Variants in MSH6 observed in about 807,000 individuals in gnomAD.
MSH6 encodes the protein mutS homolog 6, also known as DNA mismatch repair protein Msh6.
Under a neutral mutation model 119.1 loss-of-function variants are expected in MSH6, and 85 were observed. The observed-to-expected ratio is 0.71, with a 90% CI of 0.60 to 0.85. The LOEUF (loss-of-function observed/expected upper bound fraction) is 0.85. Ranked by LOEUF, MSH6 falls within the 40% of genes least tolerant of loss-of-function variation. The pLI, the probability that MSH6 is intolerant of heterozygous loss-of-function variation, is 0.00. For synonymous variants in MSH6, 830 were observed against 586.9 expected (o/e 1.41, Z -5.99); for missense variants, 2,163 against 1,655.3 (o/e 1.31, Z -5.32).
downstream of MSH6, chr2:47,809,678 T>C (rs1184195737): frequency 1.2e-6 from 2 of 1,613,424 alleles, no homozygotes; most frequent in Non-Finnish European, 8.5e-7. Flanking sequence ...CCTTCTAGTG[T>C]TGCAGTTGCG....
At chr2:47,806,699 C>CAAAGAAACAGTA in intron 9 of MSH6, 48 bp downstream of exon 9, 1 of 1,571,488 alleles carries the variant, frequency 6.4e-7, no homozygotes, top group Non-Finnish European at 8.7e-7. Flanking sequence ...CCTTAAGTTT[C>CAAAGAAACAGTA]AAAGAAACAG....
At chr2:47,801,369 T>TTTG (rs1669583596) in intron 4 of MSH6, 5 of 466,384 alleles carry the variant, frequency 1.1e-5, no homozygotes, top group South Asian at 2.5e-5. Context: ...CAGTTTTTTT[T>TTTG]TTTTTTTTTT....
rs749539614 is a variant in MSH6, at chr2:47,800,668, A to T, written c.2685A>T (p.Thr895=). ...KILKQVISLQ[T]KNPEGRFPDL... ...TTAAGCAGGTCATCTCTCTGCAGAC[A>T]AAAAATCCTGAAGGTCGTTTTCCTG... The change falls in exon 4 of 10, where the codon ACA becomes ACT. Residue 895 remains threonine, a synonymous_variant. Coordinates refer to ENST00000234420, the MANE Select transcript of MSH6 (RefSeq NM_000179.3). 6.2e-7 allele frequency: 1 copy of T among 1,614,190 alleles called. No individual in the cohort carries two copies.
At chr2:47,793,236 G>A (rs941017550) in intron 2 of MSH6, among the ~76,000 whole-genome samples, 20 of 144,014 alleles carry the variant, frequency 1.4e-4, no homozygotes, top group Admixed American at 2.2e-4. Context: ...CAAGAGAATC[G>A]CTTGAATCTA....
intron 3 of MSH6, among the ~76,000 whole-genome samples, chr2:47,796,428 G>C (rs1669100503): frequency 6.6e-6 from 1 of 152,192 alleles, no homozygotes; most frequent in Non-Finnish European, 1.5e-5. Flanking sequence ...AAAAAACTGA[G>C]ATGGGGTCTT....
chr2:47,795,422 A>ATGTGTGTGTGTGTGTGTG lies in MSH6; in HGVS notation c.458-462_458-445dup, dbSNP rs10699372. Among the ~76,000 whole-genome samples, 1,089 of 141,700 alleles carry ATGTGTGTGTGTGTGTGTG rather than the reference A, an allele frequency of 7.7e-3. 14 individuals carry two copies. Among genetic ancestry groups the ATGTGTGTGTGTGTGTGTG allele is most frequent in the Non-Finnish European group, 8.6e-3 (568 of 66,018 alleles). The allele number at this position is 141,700 out of a possible 152,430, so 93.0% of individuals were successfully genotyped here. ...AAGTGTCCAGCCAACAAGTTATTTT[A>ATGTGTGTGTGTGTGTGTG]TGTGTGTGTGTGTGTGTGTGTGTGT... On this transcript the variant is annotated intron_variant, in intron 2 of 9. Coordinates refer to ENST00000234420, the MANE Select transcript of MSH6 (RefSeq NM_000179.3).
intron 1 of MSH6, chr2:47,784,132 A>G: frequency 1.0e-6 from 1 of 1,001,404 alleles, no homozygotes; most frequent in Non-Finnish European, 1.2e-6. Context: ...GGGGTGGGCC[A>G]CGAGCTGCGA....
intron 4 of MSH6, 60 bp downstream of exon 4, chr2:47,801,215 A>G (rs887120197): frequency 3.9e-6 from 6 of 1,548,262 alleles, no homozygotes; most frequent in East Asian, 2.2e-5. Flanking sequence ...TGCCAGCTGT[A>G]TATTATCCCT....
downstream of MSH6, chr2:47,808,310 A>C (rs745517980): frequency 1.2e-6 from 2 of 1,612,280 alleles, no homozygotes; most frequent in South Asian, 1.1e-5. Context: ...GTAATATATC[A>C]AGCAAGTGTG....
rs876660037 is a variant in MSH6 at position 47,800,314 on chromosome 2, G to T, written c.2331G>T (p.Trp777Cys). The change falls in exon 4 of 10, where the codon TGG becomes TGT. Residue 777 changes from tryptophan to cysteine, a missense_variant. Physicochemically the swap from Trp to Cys is radical, Grantham distance 215. Coordinates refer to ENST00000234420, the MANE Select transcript of MSH6 (RefSeq NM_000179.3). ...TTGGTAAGCGGCTCCTAAAGCAATG[G>T]CTTTGTGCCCCACTCTGTAACCATT... ...TPFGKRLLKQWLCAPLCNHYA... is the reference protein window; with the variant it reads ...TPFGKRLLKQCLCAPLCNHYA... 1 of 1,613,992 alleles carries T rather than the reference G, an allele frequency of 6.2e-7. No individual in the cohort carries two copies. The highest frequency in any genetic ancestry group is 2.2e-5 in the East Asian group (1 of 44,894).
At chr2:47,797,136 T>A (rs1323681069) in intron 3 of MSH6, among the ~76,000 whole-genome samples, 11 of 152,232 alleles carry the variant, frequency 7.2e-5, no homozygotes, top group Admixed American at 6.5e-4. Flanking sequence ...GCTCATCAGC[T>A]ATCATTAGCA....
intron 2 of MSH6, among the ~76,000 whole-genome samples, chr2:47,795,399 G>A (rs1223822957): frequency 7.5e-6 from 1 of 133,578 alleles, no homozygotes; most frequent in African/African-American, 2.7e-5. Flanking sequence ...GTTGAGTCAA[G>A]TGTCCAGCCA....
At position 47,804,844 on chromosome 2, in the gene MSH6, G is replaced by T. The variant is rs760569345; in HGVS notation, c.3439-66G>T. ...CTAGCTCTTACGTAAGGGTTCATAAGAAAGACAAAAGTTTATGAAACTGTT... is the reference window on the plus strand; with the variant it reads ...CTAGCTCTTACGTAAGGGTTCATAATAAAGACAAAAGTTTATGAAACTGTT... On this transcript the variant is annotated intron_variant, in intron 5 of 9. Transcript: ENST00000234420. 155 of 1,267,110 alleles carry T rather than the reference G, an allele frequency of 1.2e-4. No homozygotes were observed. In the Middle Eastern group the frequency reaches 2.0e-3, roughly 17 times the overall value. The allele number at this position is 1,267,110 out of a possible 1,614,324, so 78.5% of individuals were successfully genotyped here. A position where few individuals can be genotyped will look rare whatever the true frequency, so the allele number is the denominator to read the frequency against.
rs373129248 is a variant in MSH6 at position 47,798,604 on chromosome 2, C to T, written c.628-7C>T. 6.2e-7 allele frequency: 1 copy of T among 1,608,590 alleles called. No individual in the cohort carries two copies. The highest frequency in any genetic ancestry group is 1.3e-5 in the African/African-American group (1 of 75,002). ...TTGTTTTTAAATACTCTTTCCTTGC[C>T]TGGCAGGTAGGCACAACTTACGTAA... On this transcript the variant is annotated splice_region_variant and splice_polypyrimidine_tract_variant and intron_variant, in intron 3 of 9. Coordinates refer to ENST00000234420, the MANE Select transcript of MSH6 (RefSeq NM_000179.3).
chr2:47,802,267 GTTCT>G, intron 4 of MSH6, among the ~76,000 whole-genome samples: 1 of 152,268 alleles, frequency 6.6e-6, no homozygotes, highest in East Asian at 1.9e-4. Flanking sequence ...AAGCAATTTT[GTTCT>G]TTAAATGTCA....
intron 1 of MSH6, chr2:47,783,887 C>T (rs1318468381): frequency 3.9e-5 from 37 of 953,458 alleles, no homozygotes; most frequent in Non-Finnish European, 4.1e-5. Context: ...GCGCCCGGCC[C>T]ACTTGGTGGG....
intron 6 of MSH6, 42 bp downstream of exon 6, chr2:47,805,069 T>C (rs375865335): frequency 5.4e-6 from 7 of 1,289,976 alleles, no homozygotes; most frequent in South Asian, 2.4e-5. Context: ...TTCAGTCATT[T>C]AGATGTGATA....
At position 47,803,489 on chromosome 2, in the gene MSH6, T is replaced by C. The variant is rs1553331349; in HGVS notation, c.3242T>C (p.Leu1081Ser). 1 of 1,614,152 alleles carries C rather than the reference T, an allele frequency of 6.2e-7. No homozygotes were observed. Among genetic ancestry groups the C allele is most frequent in the Non-Finnish European group, 8.5e-7 (1 of 1,180,022 alleles). ...DGPMCRPVIL[L>S]PEDTPPFLEL... ...CCTATGTGTCGCCCAGTAATTCTGT[T>C]GCCGGAAGATACCCCCCCCTTCTTA... The change falls in exon 5 of 10, where the codon TTG becomes TCG. Residue 1081 changes from leucine (L) to serine (S), a missense_variant. Leu to Ser is a moderately radical substitution (Grantham distance 145, BLOSUM62 -2). Transcript: ENST00000234420.
intron 3 of MSH6, among the ~76,000 whole-genome samples, chr2:47,796,913 G>C (rs1257933945): frequency 6.6e-6 from 1 of 152,186 alleles, no homozygotes; most frequent in African/African-American, 2.4e-5. Flanking sequence ...GGGAGGCAGA[G>C]GGTGTAGTGA....
Sources: gnomAD v4.1 joint callset for allele counts (sites outside exome capture counted in the v4.1 genomes callset) on GRCh38, gnomAD v4.1.1 for gene constraint, MANE v1.5 for transcripts, NCBI Gene and HGNC (gene_info 2026-07-23, HGNC 2026-07-21) for gene names.